Variants in CTDSPL observed in about 807,000 individuals in gnomAD.
The protein encoded by CTDSPL is CTD small phosphatase like.
A neutral mutation model predicts 30.5 loss-of-function variants in CTDSPL; 8 were observed. The observed-to-expected ratio is 0.26, with a 90% confidence interval of 0.15 to 0.47. The LOEUF (loss-of-function observed/expected upper bound fraction) is 0.47, where lower values mean the gene tolerates loss of function less well. Among genes scored for constraint, CTDSPL ranks in the 20% least tolerant of loss-of-function variants. The pLI is 0.99. For synonymous variants in CTDSPL, 110 were observed against 137.9 expected, an observed-to-expected ratio of 0.80 and a Z score of 1.42; for missense variants, 248 against 366.1, an observed-to-expected ratio of 0.68 and a Z score of 2.63.
chr3:37,899,612 G>A (rs985451624), intron 1 of CTDSPL, among the ~76,000 whole-genome samples: 9 of 152,182 alleles, frequency 5.9e-5, no homozygotes, highest in Admixed American at 2.0e-4. Context: ...CAGAAGACAC[G>A]CTCAAACTGA....
intron 1 of CTDSPL, among the ~76,000 whole-genome samples, chr3:37,890,220 G>A (rs1291358804): frequency 6.6e-6 from 1 of 152,130 alleles, no homozygotes; most frequent in Non-Finnish European, 1.5e-5. Context: ...AGTTAAGGCA[G>A]GATATTTGGA....
rs200957541 is a variant in CTDSPL at position 37,957,144 on chromosome 3, G to C, written c.267+1G>C. 1.3e-6 allele frequency: 2 copies of C among 1,581,234 alleles called. No homozygotes were observed. The highest frequency in any genetic ancestry group is 1.7e-6 in the Non-Finnish European group (2 of 1,159,446). On this transcript the variant is annotated splice_donor_variant, in intron 3 of 7. Transcript: ENST00000273179. LOFTEE classifies it high-confidence loss of function. Reference sequence around the variant, plus strand: ...GAGGCAGGTCATTCCCATACCAAGTGTATGTATATTTATCTAATTTTATTT... The same window carrying C: ...GAGGCAGGTCATTCCCATACCAAGTCTATGTATATTTATCTAATTTTATTT...
At chr3:37,927,705 T>TATATATAA (rs1559636058) in intron 1 of CTDSPL, among the ~76,000 whole-genome samples, 1 of 146,890 alleles carries the variant, frequency 6.8e-6, no homozygotes, top group African/African-American at 2.5e-5. Flanking sequence ...TATATATATA[T>TATATATAA]AAAAAATGAA....
chr3:37,959,865 GA>G (rs1699215948), intron 3 of CTDSPL, among the ~76,000 whole-genome samples: 1 of 152,154 alleles, frequency 6.6e-6, no homozygotes, highest in Non-Finnish European at 1.5e-5. Context: ...TACCCTTACT[GA>G]AAATGATAAT....
At position 37,981,420 on chromosome 3, in the gene CTDSPL, T is replaced by C. The variant is rs1027651007; in HGVS notation, c.*553T>C. ...CGTGTGTGTGTGTGGCGGGGGGTGC[T>C]GAGGGAGGGGAGTGAGTCACAGGAG... On this transcript the variant is annotated 3_prime_UTR_variant, in exon 8 of 8. Transcript: ENST00000273179. The C allele has an allele frequency of 8.1e-5, 14 of 172,082 alleles. No homozygotes were observed. The South Asian group carries it at 1.5e-3, about 19-fold the overall frequency. The allele number at this position is 172,082 out of a possible 1,614,324, so 10.7% of individuals were successfully genotyped here.
intron 1 of CTDSPL, 110 bp from the exon 2 acceptor site, chr3:37,946,947 G>A (rs1213495683): frequency 1.6e-6 from 2 of 1,216,168 alleles, no homozygotes; most frequent in African/African-American, 1.5e-5. Context: ...AGGCCCTCAG[G>A]GCTGGAATCT....
At chr3:37,912,644 A>G (rs547402050) in intron 1 of CTDSPL, among the ~76,000 whole-genome samples, 1 of 152,332 alleles carries the variant, frequency 6.6e-6, no homozygotes, top group East Asian at 1.9e-4. Context: ...AGTTATTTTG[A>G]AGGGAACTTG....
chr3:37,979,986 T>C (rs1699471800), intron 7 of CTDSPL, among the ~76,000 whole-genome samples: 1 of 152,254 alleles, frequency 6.6e-6, no homozygotes, highest in Non-Finnish European at 1.5e-5. Context: ...TAGTCATTTC[T>C]TTATTAGTCC....
intron 6 of CTDSPL, among the ~76,000 whole-genome samples, chr3:37,973,606 G>T (rs1699392714): frequency 6.6e-6 from 1 of 152,246 alleles, no homozygotes; most frequent in African/African-American, 2.4e-5. Context: ...TCGGCTTCCA[G>T]CCAGCAGTAG....
At position 37,947,158 on chromosome 3, in the gene CTDSPL, A is replaced by C. The variant is rs1699049002; in HGVS notation, c.181A>C (p.Ser61Arg). Reference sequence around the variant, plus strand: ...TTACAATGTGGAGGCCCCTCCACCCAGCAGCCCCAGTGTGCTTCCGCCACT... The same window carrying C: ...TTACAATGTGGAGGCCCCTCCACCCCGCAGCCCCAGTGTGCTTCCGCCACT... ...RDYNVEAPPP[S>R]SPSVLPPLVE... The change falls in exon 2 of 8, where the codon AGC becomes CGC. Residue 61 changes from serine (S) to arginine (R), a missense_variant. By Grantham distance (110) the Ser-to-Arg change is moderately radical. Around this residue, in one of 4 missense-constraint regions of CTDSPL, gnomAD observed 118 missense variants for 124.7 expected, o/e 0.95. Transcript: ENST00000273179. 2 of 1,612,878 alleles carry C rather than the reference A, an allele frequency of 1.2e-6. No homozygotes were observed. Among genetic ancestry groups the C allele is most frequent in the African/African-American group, 2.7e-5 (2 of 74,884 alleles).
intron 1 of CTDSPL, among the ~76,000 whole-genome samples, chr3:37,889,190 T>G (rs1056808827): frequency 6.6e-6 from 1 of 152,192 alleles, no homozygotes; most frequent in Admixed American, 6.5e-5. Context: ...TATTTATTCA[T>G]GTACTCCCTC....
At chr3:37,917,032 T>C (rs1163929233) in intron 1 of CTDSPL, among the ~76,000 whole-genome samples, 1 of 152,204 alleles carries the variant, frequency 6.6e-6, no homozygotes, top group African/African-American at 2.4e-5. Flanking sequence ...GTCGTAGGTA[T>C]AAGGAAATTC....
rs767860510 is a variant in CTDSPL, at chr3:37,886,294, G to A, written c.79+24016G>A. 4.9e-4 allele frequency among the ~76,000 whole-genome samples: 74 copies of A among 151,904 alleles called. 2 individuals are homozygous for A. The highest frequency in any genetic ancestry group is 1.8e-4 in the Non-Finnish European group (12 of 67,968). ...TTCCACCCTTGTTTCCAAACCTTCC[G>A]CTTTACTTAGACATGCCTTCCCATT... On this transcript the variant is annotated intron_variant, in intron 1 of 7. Transcript: ENST00000273179.
chr3:37,883,535 T>C (rs1698231455), intron 1 of CTDSPL, among the ~76,000 whole-genome samples: 1 of 152,242 alleles, frequency 6.6e-6, no homozygotes, highest in South Asian at 2.1e-4. Flanking sequence ...TATCATCATG[T>C]TCAAAAGAGG....
intron 1 of CTDSPL, among the ~76,000 whole-genome samples, chr3:37,869,412 C>T (rs956876524): frequency 2.0e-5 from 3 of 151,966 alleles, no homozygotes; most frequent in Non-Finnish European, 2.9e-5. Flanking sequence ...TTGGTGCCCA[C>T]GTGTTCAGTG....
At chr3:37,914,835 G>A (rs927208293) in intron 1 of CTDSPL, among the ~76,000 whole-genome samples, 13 of 105,974 alleles carry the variant, frequency 1.2e-4, no homozygotes, top group Middle Eastern at 0.012. Flanking sequence ...TTTTGTTGTT[G>A]TTGTTTTCTG....
chr3:37,882,565 C>T (rs1274289554), intron 1 of CTDSPL, among the ~76,000 whole-genome samples: 3 of 151,792 alleles, frequency 2.0e-5, no homozygotes, highest in East Asian at 1.9e-4. Context: ...TGCAATGAGC[C>T]GAGATTGAGC....
At chr3:37,916,435 G>A (rs996526287) in intron 1 of CTDSPL, among the ~76,000 whole-genome samples, 3 of 152,136 alleles carry the variant, frequency 2.0e-5, no homozygotes, top group African/African-American at 7.2e-5. Flanking sequence ...TTGGAAATAG[G>A]TCGTTGCAAA....
chr3:37,936,947 T>TATCTCCTTAGG, intron 1 of CTDSPL, among the ~76,000 whole-genome samples: 1 of 151,124 alleles, frequency 6.6e-6, no homozygotes, highest in Non-Finnish European at 1.5e-5. Flanking sequence ...AGAAAGAAGC[T>TATCTCCTTAGG]AGTTTGAGGG....
Sources: gnomAD v4.1 joint callset for allele counts (sites outside exome capture counted in the v4.1 genomes callset) on GRCh38, gnomAD v4.1.1 for gene constraint, gnomAD v4.1.1 regional missense constraint, MANE v1.5 for transcripts, NCBI Gene and HGNC (gene_info 2026-07-23, HGNC 2026-07-21) for gene names.